FMN1: variants seen among roughly 807,000 people sequenced by gnomAD.
FMN1 encodes the protein formin-1.
Under a neutral mutation model 132.4 loss-of-function variants are expected in FMN1, and 110 were observed. The ratio of observed to expected loss-of-function variants is 0.83; its 90% confidence interval spans 0.71 to 0.97. The LOEUF (loss-of-function observed/expected upper bound fraction) is 0.97. Among genes scored for constraint, FMN1 ranks in the 50% least tolerant of loss-of-function variants. The pLI is 0.00. For synonymous variants in FMN1, 722 were observed against 651.7 expected, an observed-to-expected ratio of 1.11 and a Z score of -1.64; for missense variants, 1,792 against 1,705.3, an observed-to-expected ratio of 1.05 and a Z score of -0.90.
At chr15:32,780,781 A>G (rs1247893536) in intron 19 of FMN1, among the ~76,000 whole-genome samples, 1 of 152,202 alleles carries the variant, frequency 6.6e-6, no homozygotes, top group Non-Finnish European at 1.5e-5. Flanking sequence ...GTCCTGTATC[A>G]GCAGTACAGC....
rs2060009492 is a variant in FMN1 at position 32,890,827 on chromosome 15, AG to A, written c.3715-2536del. ...GAAATCCTTGCCTAAGCCAACATCT[AG>A]AAGGGTTTTTCCAATGTTATCTTCT... is the stretch of plus-strand genomic sequence containing the variant. On this transcript the variant is annotated intron_variant, in intron 15 of 20. Coordinates refer to ENST00000616417, the MANE Select transcript of FMN1 (RefSeq NM_001277313.2). Among the ~76,000 whole-genome samples the A allele has an allele frequency of 2.6e-5, 4 of 152,186 alleles. 1 individual carries two copies. Among genetic ancestry groups the A allele is most frequent in the Admixed American group, 2.6e-4 (4 of 15,274 alleles).
intron 6 of FMN1, among the ~76,000 whole-genome samples, chr15:33,045,790 C>T (rs777127357): frequency 3.9e-5 from 6 of 152,012 alleles, no homozygotes; most frequent in Non-Finnish European, 4.4e-5. Context: ...GTGTTCTAAC[C>T]CTTTGTTTCA....
rs1185984315 is a variant in FMN1 at position 32,768,891 on chromosome 15, A to G, written c.*5419T>C. ...TGGAATAAAAGTCAATCTTCCCCAC[A>G]TCAAGAACTTCAGAGATGTAATATA... On this transcript the variant is annotated 3_prime_UTR_variant, in exon 21 of 21. Transcript: ENST00000616417. 1.3e-5 allele frequency: 2 copies of G among 152,232 alleles called. No individual in the cohort carries two copies. Among genetic ancestry groups the G allele is most frequent in the African/African-American group, 4.8e-5 (2 of 41,466 alleles). 9.4% of individuals were successfully genotyped at this position (152,232 alleles called of 1,614,324 possible).
chr15:33,052,652 G>A (rs1025319374), intron 6 of FMN1, among the ~76,000 whole-genome samples: 2 of 152,272 alleles, frequency 1.3e-5, no homozygotes, highest in African/African-American at 4.8e-5. Flanking sequence ...AAATACCTAG[G>A]CAGATAAGGG....
chr15:32,935,387 A>G (rs1445929941), intron 9 of FMN1, among the ~76,000 whole-genome samples: 1 of 152,028 alleles, frequency 6.6e-6, no homozygotes, highest in Non-Finnish European at 1.5e-5. Context: ...TGCTTTCAAA[A>G]TTCTCTTTTT....
At chr15:32,865,655 G>A (rs1055942100) in intron 16 of FMN1, among the ~76,000 whole-genome samples, 2 of 152,044 alleles carry the variant, frequency 1.3e-5, no homozygotes, top group African/African-American at 4.8e-5. Flanking sequence ...TAATCAACAT[G>A]GAGAAACCCT....
intron 3 of FMN1, among the ~76,000 whole-genome samples, chr15:33,172,207 C>CAAAA (rs375714453): frequency 4.0e-5 from 4 of 101,128 alleles, no homozygotes; most frequent in African/African-American, 1.5e-4. Context: ...GACTCCGTCT[C>CAAAA]AAAAAAAAAA....
chr15:33,011,290 T>C (rs950273565), intron 6 of FMN1, among the ~76,000 whole-genome samples: 2 of 152,156 alleles, frequency 1.3e-5, no homozygotes, highest in South Asian at 4.1e-4. Flanking sequence ...GAAATAGCAC[T>C]GAAGATCATT....
intron 17 of FMN1, among the ~76,000 whole-genome samples, chr15:32,807,496 CAAA>C (rs2057722432): frequency 6.6e-6 from 1 of 152,190 alleles, no homozygotes; most frequent in Non-Finnish European, 1.5e-5. Context: ...TGTGCATAGC[CAAA>C]CAGGAGGAAA....
At chr15:33,035,670 T>C (rs345883) in intron 6 of FMN1, among the ~76,000 whole-genome samples, 87,484 of 152,036 alleles carry the variant, frequency 0.58, 25,484 homozygotes, top group Admixed American at 0.64. Context: ...CCAGCCCTGC[T>C]ATCACAATCT....
intron 17 of FMN1, among the ~76,000 whole-genome samples, chr15:32,848,972 C>CTTTGGT (rs2058927855): frequency 2.9e-5 from 2 of 68,628 alleles, no homozygotes; most frequent in African/African-American, 1.1e-4. Context: ...GGTTAGTTCT[C>CTTTGGT]TTTTGTTTTT....
chr15:32,961,909 G>A (rs2030602080), intron 9 of FMN1, among the ~76,000 whole-genome samples: 1 of 151,990 alleles, frequency 6.6e-6, no homozygotes, highest in African/African-American at 2.4e-5. Flanking sequence ...CAGAAAGCTG[G>A]TGCCTCTCAA....
rs577673228 is a variant in FMN1, at chr15:33,016,515, G to A, written c.2162-8440C>T. 2.6e-5 allele frequency among the ~76,000 whole-genome samples: 4 copies of A among 152,290 alleles called. No individual in the cohort carries two copies. The East Asian group carries it at 7.7e-4, about 29-fold the overall frequency. On this transcript the variant is annotated intron_variant, in intron 6 of 20. Transcript: ENST00000616417. ...TTGAAGAAAGCATAACCGGTTTTGT[G>A]TCTGTCAGAAACAGTGGAGGTAGAT...
intron 4 of FMN1, among the ~76,000 whole-genome samples, chr15:33,122,575 C>T (rs534972219): frequency 1.4e-4 from 22 of 152,298 alleles, no homozygotes; most frequent in African/African-American, 5.1e-4. Flanking sequence ...CTGACATCAC[C>T]TTCTAAACAG....
intron 6 of FMN1, among the ~76,000 whole-genome samples, chr15:33,010,400 G>C (rs2034649139): frequency 6.6e-6 from 1 of 152,092 alleles, no homozygotes; most frequent in African/African-American, 2.4e-5. Flanking sequence ...TCCTGATTAT[G>C]GTGGTTGTTA....
intron 19 of FMN1, among the ~76,000 whole-genome samples, chr15:32,778,850 T>A (rs1466487967): frequency 6.6e-6 from 1 of 152,136 alleles, no homozygotes; most frequent in Admixed American, 6.6e-5. Flanking sequence ...AAGATGTCTA[T>A]ATAAAAATTT....
chr15:32,899,161 G>T, intron 14 of FMN1, among the ~76,000 whole-genome samples: 2 of 151,876 alleles, frequency 1.3e-5, no homozygotes, highest in South Asian at 4.2e-4. Flanking sequence ...AAACAAAAAA[G>T]TTGTGTCCTT....
At chr15:33,110,063 G>A (rs1566923732) in intron 4 of FMN1, among the ~76,000 whole-genome samples, 1 of 151,984 alleles carries the variant, frequency 6.6e-6, no homozygotes, top group African/African-American at 2.4e-5. Context: ...ATAAAATTTG[G>A]AGAAACAATT....
intron 18 of FMN1, among the ~76,000 whole-genome samples, chr15:32,801,255 C>T (rs2057467657): frequency 6.6e-6 from 1 of 152,154 alleles, no homozygotes; most frequent in South Asian, 2.1e-4. Flanking sequence ...CTCCTTGCCT[C>T]TCTCCCTGGG....
Sources: allele counts gnomAD v4.1 joint callset (sites outside exome capture counted in the v4.1 genomes callset), GRCh38; gene constraint gnomAD v4.1.1; transcripts MANE v1.5; gene names NCBI Gene and HGNC (gene_info 2026-07-23, HGNC 2026-07-21).